NSD2: variants seen among roughly 807,000 people sequenced by gnomAD.
NSD2 encodes histone-lysine N-methyltransferase NSD2.
A neutral mutation model predicts 139.0 loss-of-function variants in NSD2; 12 were observed. The ratio of observed to expected loss-of-function variants is 0.09; its 90% CI spans 0.06 to 0.14. The LOEUF (loss-of-function observed/expected upper bound fraction) is 0.14, where lower values mean the gene tolerates loss of function less well. NSD2 is among the 10% of genes least tolerant of loss of function. NSD2 has a pLI of 1.00. For synonymous variants in NSD2, 669 were observed against 648.7 expected (o/e 1.03, Z -0.48); for missense variants, 1,155 against 1,745.0 (o/e 0.66, Z 6.02).
chr4:1,946,323 A>G, intron 9 of NSD2: 2 of 694,730 alleles, frequency 2.9e-6, no homozygotes, highest in Non-Finnish European at 3.6e-6. Context: ...GAGTGCAGTA[A>G]GTGGCACAAT....
chr4:1,879,953 T>C (rs935573468), intron 1 of NSD2, among the ~76,000 whole-genome samples: 4 of 151,948 alleles, frequency 2.6e-5, no homozygotes, highest in Non-Finnish European at 5.9e-5. Flanking sequence ...CTTCTCCAGG[T>C]TGTGAATTTT....
At position 1,946,968 on chromosome 4, in the gene NSD2, A is replaced by G. The variant is rs1283396539; in HGVS notation, c.1882-4104A>G. On this transcript the variant is annotated intron_variant, in intron 9 of 21. Coordinates refer to ENST00000508803, the MANE Select transcript of NSD2 (RefSeq NM_001042424.3). ...CATATAACTCTCGGGTAATATTTTG[A>G]AGCATGCTGACCATCCAGGCATATA... The G allele has an allele frequency of 2.5e-5, 27 of 1,062,054 alleles. No individual in the cohort carries two copies. In the East Asian group the frequency reaches 1.4e-3, roughly 54 times the overall value. The allele number at this position is 1,062,054 out of a possible 1,614,324, so 65.8% of individuals were successfully genotyped here. A position where few individuals can be genotyped will look rare whatever the true frequency, so the allele number is the denominator to read the frequency against.
At chr4:1,957,190 G>A (rs1339981964) in intron 15 of NSD2, among the ~76,000 whole-genome samples, 1 of 152,160 alleles carries the variant, frequency 6.6e-6, no homozygotes, top group Non-Finnish European at 1.5e-5. Context: ...ACGGATTGTA[G>A]GGGTGTGTGT....
intron 18 of NSD2, among the ~76,000 whole-genome samples, chr4:1,966,672 A>G (rs1725924510): frequency 1.3e-5 from 2 of 151,970 alleles, no homozygotes; most frequent in South Asian, 2.1e-4. Context: ...AAAAAAAAAA[A>G]AGAGACATAC....
At chr4:1,913,728 A>G (rs1718991253) in intron 3 of NSD2, among the ~76,000 whole-genome samples, 1 of 152,044 alleles carries the variant, frequency 6.6e-6, no homozygotes, top group African/African-American at 2.4e-5. Context: ...CTTGTATACA[A>G]TAAATAACAG....
intron 1 of NSD2, among the ~76,000 whole-genome samples, chr4:1,890,303 TTTG>T (rs1715430317): frequency 6.6e-6 from 1 of 152,102 alleles, no homozygotes; most frequent in Non-Finnish European, 1.5e-5. Flanking sequence ...TGTTTTGTTT[TTTG>T]TTTTTTTTTT....
chr4:1,925,899 C>T (rs994440031), intron 5 of NSD2, among the ~76,000 whole-genome samples: 3 of 151,468 alleles, frequency 2.0e-5, no homozygotes, highest in African/African-American at 7.3e-5. Flanking sequence ...CCTCCCTAGG[C>T]TCAAGTGATT....
intron 1 of NSD2, among the ~76,000 whole-genome samples, chr4:1,899,805 C>T (rs1716921049): frequency 6.6e-6 from 1 of 152,210 alleles, no homozygotes; most frequent in Admixed American, 6.5e-5. Flanking sequence ...CAGTGTGGTG[C>T]ACTGGCAAAG....
At chr4:1,916,822 C>T (rs1180006457) in intron 3 of NSD2, 49 bp from the exon 4 acceptor site, 2 of 1,562,524 alleles carry the variant, frequency 1.3e-6, no homozygotes, top group Admixed American at 3.8e-5. Context: ...TGACTAGTTT[C>T]ATCCCAGATT....
Position 1,942,675 on chromosome 4 carries a change from G to A in NSD2, c.1881+2897G>A. 8.7e-7 allele frequency: 1 copy of A among 1,153,670 alleles called. No individual in the cohort carries two copies. The highest frequency in any genetic ancestry group is 1.1e-6 in the Non-Finnish European group (1 of 933,378). The allele number at this position is 1,153,670 out of a possible 1,614,324, so 71.5% of individuals were successfully genotyped here. A position where few individuals can be genotyped will look rare whatever the true frequency, so the allele number is the denominator to read the frequency against. The stretch of plus-strand genomic sequence containing the variant: ...TTCAAGTTGAAAGGCAGTCCCTTTA[G>A]TTGGGGGCTGTCCAGAGCTGCAGCA... On this transcript the variant is annotated intron_variant, in intron 9 of 21. Coordinates refer to ENST00000508803, the MANE Select transcript of NSD2 (RefSeq NM_001042424.3). This position sits in a 1 kb window ranked among gnomAD's most constrained non-coding sequence, Gnocchi z 4.0.
chr4:1,939,723 C>T lies in NSD2; in HGVS notation c.1826C>T (p.Ser609Leu). 1 of 1,614,210 alleles carries T rather than the reference C, an allele frequency of 6.2e-7. No homozygotes were observed. The highest frequency in any genetic ancestry group is 8.5e-7 in the Non-Finnish European group (1 of 1,180,036). Residue 609 changes from serine to leucine, a missense_variant, in exon 9 of 22, where the codon TCA (serine) becomes TTA (leucine). By Grantham distance (145) the Ser-to-Leu change is moderately radical. Transcript: ENST00000508803. Reference sequence around the variant, plus strand: ...AATCGGGCTTCCACGGCAGCATCTTCAGCTCTTGGGTTTAGCAAAAGTTCA... The same window carrying T: ...AATCGGGCTTCCACGGCAGCATCTTTAGCTCTTGGGTTTAGCAAAAGTTCA... ...KRNRASTAAS[S>L]ALGFSKSSSP...
rs1270850999 is a variant in NSD2, at chr4:1,880,291, G to A, written c.-30+8749G>A. Among the ~76,000 whole-genome samples, 4 of 152,242 alleles carry A rather than the reference G, an allele frequency of 2.6e-5. No homozygotes were observed. In the East Asian group the frequency reaches 7.7e-4, roughly 29 times the overall value. ...GTAACTGATCCAAAGTCACAAGGCT[G>A]TATGTGATGAAGTTAGAACTCCTGC... On this transcript the variant is annotated intron_variant, in intron 1 of 21. Coordinates refer to ENST00000508803, the MANE Select transcript of NSD2 (RefSeq NM_001042424.3).
intron 12 of NSD2, among the ~76,000 whole-genome samples, chr4:1,954,870 A>G (rs1560755666): frequency 6.6e-6 from 1 of 152,148 alleles, no homozygotes; most frequent in Non-Finnish European, 1.5e-5. Context: ...TCTAGTGAGT[A>G]GAGGCCAGGG....
chr4:1,972,344 AGTGCAAGCTCGTTGTAG>A lies in NSD2; in HGVS notation c.3373-2514_3373-2498del, dbSNP rs1726583836. Among the ~76,000 whole-genome samples the A allele has an allele frequency of 6.6e-6, 1 of 152,240 alleles. No homozygotes were observed. Among genetic ancestry groups the A allele is most frequent in the African/African-American group, 2.4e-5 (1 of 41,458 alleles). On this transcript the variant is annotated intron_variant, in intron 18 of 21. Coordinates refer to ENST00000508803, the MANE Select transcript of NSD2 (RefSeq NM_001042424.3). The surrounding 1 kb of genome is among the most constrained non-coding windows in gnomAD (Gnocchi z 4.0). ...GGCTGTGAGGGTGGAAATCTTCCCC[AGTGCAAGCTCGTTGTAG>A]GTGCGATAAAAATAGCAAAAACGTT...
Position 1,981,638 on chromosome 4 carries a change from G to A in NSD2, c.*2729G>A, listed in dbSNP as rs1250661579. On this transcript the variant is annotated 3_prime_UTR_variant, in exon 22 of 22. Coordinates refer to ENST00000508803, the MANE Select transcript of NSD2 (RefSeq NM_001042424.3). Reference sequence around the variant, plus strand: ...GTGAGAACCCAGCTGTCCGTCCTCAGGCCGGCCTTTCTTCCGGCGACACCC... The same window carrying A: ...GTGAGAACCCAGCTGTCCGTCCTCAAGCCGGCCTTTCTTCCGGCGACACCC... 2.6e-6 allele frequency: 1 copy of A among 385,978 alleles called. No homozygotes were observed. The highest frequency in any genetic ancestry group is 4.6e-6 in the Non-Finnish European group (1 of 218,586). The allele number at this position is 385,978 out of a possible 1,614,324, so 23.9% of individuals were successfully genotyped here.
rs1723227690 is a variant in NSD2 at position 1,942,753 on chromosome 4, T to TA, written c.1881+2977dup. ...TTAGAGTTGCTTCTCCTCTAGTTTG[T>TA]AACTTACTGGACTTTTGTGGAAAAT... On this transcript the variant is annotated intron_variant, in intron 9 of 21. Transcript: ENST00000508803. This position sits in a 1 kb window ranked among gnomAD's most constrained non-coding sequence, Gnocchi z 4.0. The TA allele has an allele frequency of 9.2e-7, 1 of 1,087,480 alleles. No individual in the cohort carries two copies. The highest frequency in any genetic ancestry group is 1.1e-6 in the Non-Finnish European group (1 of 892,260). 67.4% of individuals were successfully genotyped at this position (1,087,480 alleles called of 1,614,324 possible). A position where few individuals can be genotyped will look rare whatever the true frequency, so the allele number is the denominator to read the frequency against.
chr4:1,919,822 G>C (rs925099656), intron 5 of NSD2, among the ~76,000 whole-genome samples: 11 of 152,072 alleles, frequency 7.2e-5, no homozygotes, highest in African/African-American at 2.2e-4. Context: ...TGTAATCCCA[G>C]CTTCTCAGGA....
rs1266843912 is a variant in NSD2 at position 1,976,780 on chromosome 4, G to T, written c.3826+101G>T. 2 of 1,291,504 alleles carry T rather than the reference G, an allele frequency of 1.5e-6. No individual in the cohort carries two copies. The highest frequency in any genetic ancestry group is 2.5e-5 in the East Asian group (1 of 39,592). 80.0% of individuals were successfully genotyped at this position (1,291,504 alleles called of 1,614,324 possible). Reference sequence around the variant, plus strand: ...CCTGCTGACCGGGCCTCATCTGGGTGCAGGCACATCAGGCGCTCATGCAGC... The same window carrying T: ...CCTGCTGACCGGGCCTCATCTGGGTTCAGGCACATCAGGCGCTCATGCAGC... On this transcript the variant is annotated intron_variant, in intron 21 of 21. Coordinates refer to ENST00000508803, the MANE Select transcript of NSD2 (RefSeq NM_001042424.3). This position sits in a 1 kb window ranked among gnomAD's most constrained non-coding sequence, Gnocchi z 5.3.
At position 1,928,889 on chromosome 4, in the gene NSD2, G is replaced by A. The variant is rs569142778; in HGVS notation, c.1411-1737G>A. On this transcript the variant is annotated intron_variant, in intron 5 of 21. Coordinates refer to ENST00000508803, the MANE Select transcript of NSD2 (RefSeq NM_001042424.3). Reference sequence around the variant, plus strand: ...GCCCTTGGAGCTTGAAGAGTTGGGAGTGAGTGGGCTCATGGAGTGAGTCAT... The same window carrying A: ...GCCCTTGGAGCTTGAAGAGTTGGGAATGAGTGGGCTCATGGAGTGAGTCAT... Among the ~76,000 whole-genome samples, 63 of 152,254 alleles carry A rather than the reference G, an allele frequency of 4.1e-4. 1 individual carries two copies. In the South Asian group the frequency reaches 0.013, roughly 32 times the overall value.
Sources: allele counts gnomAD v4.1 joint callset (sites outside exome capture counted in the v4.1 genomes callset), GRCh38; gene constraint gnomAD v4.1.1; non-coding constraint Gnocchi (gnomAD v3.1); transcripts MANE v1.5; gene names NCBI Gene and HGNC (gene_info 2026-07-23, HGNC 2026-07-21).